TNFRSF10A: variants seen among roughly 807,000 people sequenced by gnomAD.
TNFRSF10A encodes the protein TNF receptor superfamily member 10a.
A neutral mutation model predicts 42.8 loss-of-function variants in TNFRSF10A; 44 were observed. The ratio of observed to expected loss-of-function variants is 1.03; its 90% CI spans 0.81 to 1.32. TNFRSF10A has a LOEUF of 1.32. Ranked by LOEUF, TNFRSF10A falls within the 40% of genes most tolerant of loss-of-function variation. The pLI is 0.00. For synonymous variants in TNFRSF10A, 259 were observed against 234.2 expected (o/e 1.11, Z -0.97); for missense variants, 680 against 602.0 (o/e 1.13, Z -1.36).
intron 6 of TNFRSF10A, 89 bp from the exon 7 acceptor site, chr8:23,200,006 G>T: frequency 6.5e-7 from 1 of 1,534,406 alleles, no homozygotes; most frequent in East Asian, 2.3e-5. Context: ...GGGTGGGCTG[G>T]GGGCTGGGAC....
intron 1 of TNFRSF10A, chr8:23,224,526 G>A (rs1801305573): frequency 5.3e-6 from 3 of 564,796 alleles, no homozygotes; most frequent in Non-Finnish European, 3.1e-6. Context: ...TGGAGTCCCC[G>A]GGCCCAGCCT....
intron 2 of TNFRSF10A, among the ~76,000 whole-genome samples, chr8:23,207,726 G>C (rs1232004526): frequency 6.6e-6 from 1 of 152,050 alleles, no homozygotes; most frequent in African/African-American, 2.4e-5. Flanking sequence ...TTATAAGGGG[G>C]AGTTTTCCTG....
chr8:23,207,646 A>T (rs1340590422), intron 2 of TNFRSF10A, among the ~76,000 whole-genome samples: 1 of 152,190 alleles, frequency 6.6e-6, no homozygotes, highest in Non-Finnish European at 1.5e-5. Flanking sequence ...AGGTAATTGA[A>T]TCATGTGGGG....
intron 2 of TNFRSF10A, among the ~76,000 whole-genome samples, chr8:23,205,442 TAATA>T (rs1217699445): frequency 6.6e-6 from 1 of 152,208 alleles, no homozygotes; most frequent in East Asian, 1.9e-4. Flanking sequence ...TTGATAATGA[TAATA>T]AATGACTTAC....
chr8:23,202,713 C>A lies in TNFRSF10A; in HGVS notation c.452G>T (p.Gly151Val). ...HPGACNRCTE[G>V]VGYTNASNNL... ...GTTGGAAGCATTGGTGTAACCCACA[C>A]CCTCTGTGCACCGGTTACAGGCTCC... is the stretch of plus-strand genomic sequence containing the variant. Residue 151 changes from glycine (G) to valine (V), a missense_variant, in exon 3 of 10, where the codon GGT becomes GTT. Physicochemically the swap from Gly to Val is moderately radical, Grantham distance 109. Coordinates refer to ENST00000221132, the MANE Select transcript of TNFRSF10A (RefSeq NM_003844.4). The A allele has an allele frequency of 6.2e-7, 1 of 1,614,056 alleles. No homozygotes were observed. Among genetic ancestry groups the A allele is most frequent in the Non-Finnish European group, 8.5e-7 (1 of 1,179,960 alleles).
At position 23,219,996 on chromosome 8, in the gene TNFRSF10A, T is replaced by G. The variant is rs540414244; in HGVS notation, c.306+4760A>C. ...CTGAGCTGCACACACTTTCCCTCTC[T>G]GAGCTTTGGTCCTCTCCTCTGTAAA... On this transcript the variant is annotated intron_variant, in intron 1 of 9. Coordinates refer to ENST00000221132, the MANE Select transcript of TNFRSF10A (RefSeq NM_003844.4). 3.9e-5 allele frequency among the ~76,000 whole-genome samples: 6 copies of G among 152,296 alleles called. No homozygotes were observed. The South Asian group carries it at 1.2e-3, about 32-fold the overall frequency.
rs58691757 is a variant in TNFRSF10A, at chr8:23,213,436, C to CTTTTTTTTTTTTTTTTTTTTTTT, written c.307-1247_307-1225dup. Among the ~76,000 whole-genome samples the CTTTTTTTTTTTTTTTTTTTTTTT allele has an allele frequency of 6.0e-4, 41 of 68,650 alleles. 11 individuals carry two copies. The highest frequency in any genetic ancestry group is 1.2e-3 in the Admixed American group (6 of 4,912). The allele number at this position is 68,650 out of a possible 152,430, so 45.0% of individuals were successfully genotyped here. On this transcript the variant is annotated intron_variant, in intron 1 of 9. Coordinates refer to ENST00000221132, the MANE Select transcript of TNFRSF10A (RefSeq NM_003844.4). Reference sequence around the variant, plus strand: ...GCTGGTTTGGGCTTAGTTTGCTCCTCTTTTTTTTTTTTTTTTTTTTTTTTT... The same window carrying CTTTTTTTTTTTTTTTTTTTTTTT: ...GCTGGTTTGGGCTTAGTTTGCTCCTCTTTTTTTTTTTTTTTTTTTTTTTTTTTTTTTTTTTTTTTTTTTTTTTT...
chr8:23,197,184 C>G lies in TNFRSF10A; in HGVS notation c.1035G>C (p.Gly345=). 1 of 1,614,164 alleles carries G rather than the reference C, an allele frequency of 6.2e-7. No homozygotes were observed. Residue 345 remains glycine, a synonymous_variant, in exon 9 of 10, where the codon GGG becomes GGC. Coordinates refer to ENST00000221132, the MANE Select transcript of TNFRSF10A (RefSeq NM_003844.4). ...GAACCAGCAGCCTCCTCCTCTGAGA[C>G]CCTTCAGCTTCTGCCGGTCCCTGTA... is the stretch of plus-strand genomic sequence containing the variant. ...QCLLGPAEAE[G]SQRRRLLVPA...
intron 7 of TNFRSF10A, 72 bp downstream of exon 7, chr8:23,199,814 C>T (rs1800881508): frequency 2.5e-6 from 4 of 1,606,502 alleles, no homozygotes; most frequent in African/African-American, 2.7e-5. Flanking sequence ...ACCCACCCAC[C>T]TGGACTACAC....
At chr8:23,218,839 T>C (rs980644963) in intron 1 of TNFRSF10A, among the ~76,000 whole-genome samples, 4 of 152,232 alleles carry the variant, frequency 2.6e-5, no homozygotes, top group African/African-American at 9.7e-5. Flanking sequence ...ACAAAGACAA[T>C]GAGGGTTCCT....
In TNFRSF10A at chr8:23,199,539, C is replaced by T. The variant is rs1490307437; in HGVS notation, c.832-91G>A. On this transcript the variant is annotated intron_variant, in intron 7 of 9. Coordinates refer to ENST00000221132, the MANE Select transcript of TNFRSF10A (RefSeq NM_003844.4). The stretch of plus-strand genomic sequence containing the variant: ...CGGCTGGACCTGCTGCCACCACCCC[C>T]TCCCAGTGAGGTCACTCCAGGAAGT... 8 of 1,475,014 alleles carry T rather than the reference C, an allele frequency of 5.4e-6. No individual in the cohort carries two copies. The African/African-American group carries it at 9.8e-5, about 18-fold the overall frequency. The allele number at this position is 1,475,014 out of a possible 1,614,324, so 91.4% of individuals were successfully genotyped here.
rs1385591726 is a variant in TNFRSF10A, at chr8:23,191,800, C to T, written c.1301G>A (p.Arg434Lys). 4 of 1,614,104 alleles carry T rather than the reference C, an allele frequency of 2.5e-6. No individual in the cohort carries two copies. The highest frequency in any genetic ancestry group is 2.5e-6 in the Non-Finnish European group (3 of 1,180,010). Residue 434 changes from arginine (R) to lysine (K), a missense_variant, in exon 10 of 10, where the codon AGG becomes AAG. Transcript: ENST00000221132. ...SIHTLLDALE[R>K]MEERHAREKI... Reference sequence around the variant, plus strand: ...CTCTCTTGCATGTCTCTCTTCCATCCTCTCCAAGGCATCCAGCAGGGTGTG... The same window carrying T: ...CTCTCTTGCATGTCTCTCTTCCATCTTCTCCAAGGCATCCAGCAGGGTGTG...
chr8:23,212,852 T>C (rs936829883), intron 1 of TNFRSF10A, among the ~76,000 whole-genome samples: 2 of 152,228 alleles, frequency 1.3e-5, no homozygotes, highest in Non-Finnish European at 2.9e-5. Flanking sequence ...TTCTCCAAGA[T>C]CAGGAACAAG....
At position 23,215,887 on chromosome 8, in the gene TNFRSF10A, C is replaced by T. The variant is rs544274508; in HGVS notation, c.307-3675G>A. ...AGGCTGGAGTGCAGTGGCGTGATCT[C>T]GGCTCACTGCAACCTCGGTCTCCTG... On this transcript the variant is annotated intron_variant, in intron 1 of 9. Transcript: ENST00000221132. Among the ~76,000 whole-genome samples the T allele has an allele frequency of 7.9e-5, 12 of 151,216 alleles. No homozygotes were observed. The South Asian group carries it at 1.5e-3, about 18-fold the overall frequency.
intron 1 of TNFRSF10A, among the ~76,000 whole-genome samples, chr8:23,212,897 C>T (rs982449564): frequency 7.2e-5 from 11 of 152,214 alleles, no homozygotes; most frequent in African/African-American, 2.7e-4. Flanking sequence ...TCTATATTAT[C>T]AGGGTAATGC....
At chr8:23,200,467 G>A (rs1296063901) in intron 6 of TNFRSF10A, 38 bp downstream of exon 6, 1 of 1,599,772 alleles carries the variant, frequency 6.3e-7, no homozygotes. Context: ...AGGCAGGGCA[G>A]AGAGTGCCCA....
At position 23,224,835 on chromosome 8, in the gene TNFRSF10A, G is replaced by A. The variant is rs113149248; in HGVS notation, c.227C>T (p.Pro76Leu). 1 of 1,565,958 alleles carries A rather than the reference G, an allele frequency of 6.4e-7. No homozygotes were observed. The highest frequency in any genetic ancestry group is 8.7e-7 in the Non-Finnish European group (1 of 1,155,584). Residue 76 changes from proline (P) to leucine (L), a missense_variant, in exon 1 of 10, where the codon CCC becomes CTC. Pro to Leu is a moderately conservative substitution (Grantham distance 98, BLOSUM62 -3). Coordinates refer to ENST00000221132, the MANE Select transcript of TNFRSF10A (RefSeq NM_003844.4). ...ARARAGRAPG[P>L]RPAREASPRL... ...AGGGCTGGCTTCCCGCGCCGGCCTG[G>A]GTCCTGGGGCGCGCCCTGCCCGGGC...
In TNFRSF10A at chr8:23,202,711, C is replaced by G. The variant is rs777425041; in HGVS notation, c.454G>C (p.Val152Leu). Residue 152 changes from valine (V) to leucine (L), a missense_variant, in exon 3 of 10, where the codon GTG (valine) becomes CTG (leucine). Transcript: ENST00000221132. Reference sequence around the variant, plus strand: ...TTGTTGGAAGCATTGGTGTAACCCACACCCTCTGTGCACCGGTTACAGGCT... The same window carrying G: ...TTGTTGGAAGCATTGGTGTAACCCAGACCCTCTGTGCACCGGTTACAGGCT... The part of the protein sequence containing the change: ...PGACNRCTEG[V>L]GYTNASNNLF... The G allele has an allele frequency of 6.2e-7, 1 of 1,614,068 alleles. No individual in the cohort carries two copies. Among genetic ancestry groups the G allele is most frequent in the South Asian group, 1.1e-5 (1 of 91,082 alleles).
chr8:23,217,292 T>C (rs1801197939), intron 1 of TNFRSF10A, among the ~76,000 whole-genome samples: 1 of 152,184 alleles, frequency 6.6e-6, no homozygotes, highest in Non-Finnish European at 1.5e-5. Context: ...CTCTGCTCAC[T>C]GCAACCTCCG....
Sources: gnomAD v4.1 joint callset for allele counts (sites outside exome capture counted in the v4.1 genomes callset) on GRCh38, gnomAD v4.1.1 for gene constraint, MANE v1.5 for transcripts, NCBI Gene and HGNC (gene_info 2026-07-23, HGNC 2026-07-21) for gene names.